The following TSHZ1 variants were observed in gnomAD, a reference collection of about 807,000 sequenced individuals.
TSHZ1 encodes the protein teashirt zinc finger homeobox 1, also known as teashirt homolog 1.
Under a neutral mutation model 67.1 loss-of-function variants are expected in TSHZ1, and 12 were observed. That is an observed-to-expected ratio of 0.18 (90% CI 0.11 to 0.29). TSHZ1 has a LOEUF of 0.29. Ranked by LOEUF, TSHZ1 falls within the 10% of genes least tolerant of loss-of-function variation. The pLI is 1.00. For missense variants in TSHZ1, 1,305 were observed against 1,413.9 expected, an observed-to-expected ratio of 0.92 and a Z score of 1.23; for synonymous variants, 632 against 622.4, an observed-to-expected ratio of 1.02 and a Z score of -0.23.
chr18:75,247,542 G>A (rs1259231916), intron 1 of TSHZ1, among the ~76,000 whole-genome samples: 1 of 152,152 alleles, frequency 6.6e-6, no homozygotes, highest in Admixed American at 6.5e-5. Flanking sequence ...ACGATTCCCT[G>A]AAATTTCACT....
chr18:75,260,827 G>A (rs2023421478), intron 1 of TSHZ1, among the ~76,000 whole-genome samples: 1 of 152,138 alleles, frequency 6.6e-6, no homozygotes, highest in African/African-American at 2.4e-5. Flanking sequence ...GATATACCAG[G>A]GAAGCCTTAC....
chr18:75,225,914 G>A (rs1263705769), intron 1 of TSHZ1, among the ~76,000 whole-genome samples: 1 of 152,102 alleles, frequency 6.6e-6, no homozygotes. Context: ...CCCTGTTTTT[G>A]TGTATGTGGA....
At chr18:75,280,790 A>T in intron 1 of TSHZ1, 1 of 985,466 alleles carries the variant, frequency 1.0e-6, no homozygotes, top group Non-Finnish European at 1.2e-6. Flanking sequence ...GAAAGAAGTC[A>T]CAGCTCTATG....
At chr18:75,274,251 CATTT>C (rs2023589878) in intron 1 of TSHZ1, among the ~76,000 whole-genome samples, 1 of 152,068 alleles carries the variant, frequency 6.6e-6, no homozygotes, top group African/African-American at 2.4e-5. Context: ...GGAAAAATGT[CATTT>C]ATTTCTATAC....
intron 1 of TSHZ1, among the ~76,000 whole-genome samples, chr18:75,277,781 C>A (rs1299087676): frequency 6.6e-6 from 1 of 152,168 alleles, no homozygotes; most frequent in Non-Finnish European, 1.5e-5. Context: ...TACAAACATT[C>A]AGACCGCAGC....
chr18:75,230,705 A>C (rs1324766049), intron 1 of TSHZ1, among the ~76,000 whole-genome samples: 1 of 152,198 alleles, frequency 6.6e-6, no homozygotes, highest in Non-Finnish European at 1.5e-5. Flanking sequence ...TGCGAAATTA[A>C]AGAGACGTCG....
chr18:75,287,614 A>G lies in TSHZ1; in HGVS notation c.2207A>G (p.His736Arg), dbSNP rs1019910350. The change falls in exon 2 of 2, where the codon CAC becomes CGC. Residue 736 changes from histidine to arginine, a missense_variant. His to Arg is a conservative substitution (Grantham distance 29). Transcript: ENST00000580243. This position sits in a 1 kb window ranked among gnomAD's most constrained non-coding sequence, Gnocchi z 5.0. ...GCNNLGIIMD[H>R]SPEPSFINPL... ...AACAACCTGGGGATCATCATGGACC[A>G]CTCACCGGAGCCTTCCTTCATCAAC... 6.2e-7 allele frequency: 1 copy of G among 1,614,088 alleles called. No individual in the cohort carries two copies.
chr18:75,237,898 C>T (rs577952263), intron 1 of TSHZ1, among the ~76,000 whole-genome samples: 63 of 152,086 alleles, frequency 4.1e-4, no homozygotes, highest in African/African-American at 1.1e-3. Context: ...CTGCAACCTC[C>T]GCCTCCTGGG....
At chr18:75,284,689 C>T (rs1485122978) in intron 1 of TSHZ1, 1 of 152,334 alleles carries the variant, frequency 6.6e-6, no homozygotes, top group African/African-American at 2.4e-5. Flanking sequence ...AGCACTATGC[C>T]CTCGAGGTGC....
At chr18:75,250,883 G>T (rs907934004) in intron 1 of TSHZ1, among the ~76,000 whole-genome samples, 2 of 152,174 alleles carry the variant, frequency 1.3e-5, no homozygotes, top group East Asian at 3.9e-4. Flanking sequence ...TGCAGCCGAC[G>T]AAGGGTGGTC....
chr18:75,288,038 C>A lies in TSHZ1; in HGVS notation c.2631C>A (p.Asp877Glu). 6.2e-7 allele frequency: 1 copy of A among 1,614,036 alleles called. No homozygotes were observed. Among genetic ancestry groups the A allele is most frequent in the Non-Finnish European group, 8.5e-7 (1 of 1,180,036 alleles). The change falls in exon 2 of 2, where the codon GAC becomes GAA. Residue 877 changes from aspartate (D) to glutamate (E), a missense_variant. Transcript: ENST00000580243. This position sits in a 1 kb window ranked among gnomAD's most constrained non-coding sequence, Gnocchi z 4.9. ...GCAGCAGCTTTGAGGAGGCGTTGGACGAGCTGTCACCGGTCCACAAGAGGA... is the reference window on the plus strand; with the variant it reads ...GCAGCAGCTTTGAGGAGGCGTTGGAAGAGCTGTCACCGGTCCACAAGAGGA... ...ADGSSFEEAL[D>E]ELSPVHKRKG...
intron 1 of TSHZ1, among the ~76,000 whole-genome samples, chr18:75,272,493 C>T (rs753360762): frequency 6.6e-6 from 1 of 152,212 alleles, no homozygotes; most frequent in Non-Finnish European, 1.5e-5. Flanking sequence ...TGGTATTTTC[C>T]TCATTTCTTT....
In TSHZ1 at chr18:75,286,280, G is replaced by A. The variant is rs746409471; in HGVS notation, c.873G>A (p.Lys291=). 9.3e-6 allele frequency: 15 copies of A among 1,613,072 alleles called. No homozygotes were observed. Among genetic ancestry groups the A allele is most frequent in the Non-Finnish European group, 1.1e-5 (13 of 1,179,134 alleles). The change falls in exon 2 of 2, where the codon AAG becomes AAA. Residue 291 remains lysine, a synonymous_variant. Transcript: ENST00000580243. The surrounding 1 kb of genome is among the most constrained non-coding windows in gnomAD (Gnocchi z 5.1). ...EKTKRWSKPR[K]RSLMEMEGKE... ...CCAAGAGGTGGTCCAAGCCCAGGAA[G>A]CGCTCCCTGATGGAGATGGAGGGGA...
intron 1 of TSHZ1, among the ~76,000 whole-genome samples, chr18:75,227,465 T>C (rs1475400059): frequency 1.3e-5 from 2 of 151,876 alleles, no homozygotes; most frequent in African/African-American, 4.8e-5. Flanking sequence ...ACTTTTTATA[T>C]AAGTTCCCAA....
In TSHZ1 at chr18:75,287,544, C is replaced by G; in HGVS notation, c.2137C>G (p.Pro713Ala). ...KKEGPLDVHT[P>A]NGTEPLKAKV... ...GGAGGGACCGCTGGACGTTCACACCCCAAATGGCACAGAGCCTCTCAAAGC... is the reference window on the plus strand; with the variant it reads ...GGAGGGACCGCTGGACGTTCACACCGCAAATGGCACAGAGCCTCTCAAAGC... The change falls in exon 2 of 2, where the codon CCA (proline) becomes GCA (alanine). Residue 713 changes from proline to alanine, a missense_variant. Coordinates refer to ENST00000580243, the MANE Select transcript of TSHZ1 (RefSeq NM_001308210.2). The surrounding 1 kb of genome is among the most constrained non-coding windows in gnomAD (Gnocchi z 5.0). 1 of 1,614,244 alleles carries G rather than the reference C, an allele frequency of 6.2e-7. No individual in the cohort carries two copies. The highest frequency in any genetic ancestry group is 8.5e-7 in the Non-Finnish European group (1 of 1,180,052).
At chr18:75,222,733 C>T (rs1010606628) in intron 1 of TSHZ1, among the ~76,000 whole-genome samples, 1 of 152,148 alleles carries the variant, frequency 6.6e-6, no homozygotes, top group African/African-American at 2.4e-5. Context: ...CCTCCACCCC[C>T]CTATTTTTTG....
intron 1 of TSHZ1, among the ~76,000 whole-genome samples, chr18:75,228,924 C>A (rs768750521): frequency 6.6e-6 from 1 of 152,266 alleles, no homozygotes; most frequent in Non-Finnish European, 1.5e-5. Flanking sequence ...TACCAGAAAC[C>A]TGGGGCTGCT....
intron 1 of TSHZ1, among the ~76,000 whole-genome samples, chr18:75,219,779 A>T (rs1452153077): frequency 6.6e-6 from 1 of 152,380 alleles, no homozygotes; most frequent in Non-Finnish European, 1.5e-5. Context: ...AATGAGGGTC[A>T]TTCTTTGCAC....
rs760818403 is a variant in TSHZ1 at position 75,287,660 on chromosome 18, C to A, written c.2253C>A (p.Ser751=). Reference sequence around the variant, plus strand: ...TCAACCCGCTGAGCGCTTTGCAGTCCATCATGAACACCCACCTGGGCAAGG... The same window carrying A: ...TCAACCCGCTGAGCGCTTTGCAGTCAATCATGAACACCCACCTGGGCAAGG... ...SFINPLSALQ[S]IMNTHLGKVS... Residue 751 remains serine, a synonymous_variant, in exon 2 of 2, where the codon TCC becomes TCA. Transcript: ENST00000580243. This position sits in a 1 kb window ranked among gnomAD's most constrained non-coding sequence, Gnocchi z 5.0. 1 of 1,614,182 alleles carries A rather than the reference C, an allele frequency of 6.2e-7. No individual in the cohort carries two copies. Among genetic ancestry groups the A allele is most frequent in the Admixed American group, 1.7e-5 (1 of 60,032 alleles).
Sources: allele counts gnomAD v4.1 joint callset (sites outside exome capture counted in the v4.1 genomes callset), GRCh38; gene constraint gnomAD v4.1.1; non-coding constraint Gnocchi (gnomAD v3.1); transcripts MANE v1.5; gene names NCBI Gene and HGNC (gene_info 2026-07-23, HGNC 2026-07-21).